Variants in ADCY9 observed in about 807,000 individuals in gnomAD.
ADCY9 encodes the protein adenylate cyclase type 9.
Under a neutral mutation model 101.5 loss-of-function variants are expected in ADCY9, and 50 were observed. The ratio of observed to expected loss-of-function variants is 0.49; its 90% confidence interval spans 0.39 to 0.62. The LOEUF (loss-of-function observed/expected upper bound fraction) is 0.62, where lower values mean the gene tolerates loss of function less well. Ranked by LOEUF, ADCY9 falls within the 20% of genes least tolerant of loss-of-function variation. The pLI is 0.00. For synonymous variants in ADCY9, 905 were observed against 769.3 expected (o/e 1.18, Z -2.92); for missense variants, 1,662 against 1,800.4 (o/e 0.92, Z 1.39).
chr16:4,110,857 G>A (rs1226623026), intron 2 of ADCY9, among the ~76,000 whole-genome samples: 2 of 152,184 alleles, frequency 1.3e-5, no homozygotes, highest in South Asian at 2.1e-4. Context: ...ACTGGTGGGC[G>A]TGCCTTGCAG....
At chr16:3,972,950 T>C (rs2056065275) in intron 10 of ADCY9, among the ~76,000 whole-genome samples, 1 of 152,178 alleles carries the variant, frequency 6.6e-6, no homozygotes. Flanking sequence ...TAAAAAAAGA[T>C]GCTAGGTGCT....
Position 3,992,386 on chromosome 16 carries a change from C to T in ADCY9, c.1990-23G>A. 6.2e-7 allele frequency: 1 copy of T among 1,609,122 alleles called. No homozygotes were observed. On this transcript the variant is annotated intron_variant, in intron 4 of 10. Coordinates refer to ENST00000294016, the MANE Select transcript of ADCY9 (RefSeq NM_001116.4). This position sits in a 1 kb window ranked among gnomAD's most constrained non-coding sequence, Gnocchi z 4.2. ...AGCCTGCCTCGAGACAAAGAGGACG[C>T]AGACACGGGAAGTGAAGTGGCACCG...
chr16:4,053,322 G>A (rs1000679664), intron 2 of ADCY9, among the ~76,000 whole-genome samples: 50 of 152,306 alleles, frequency 3.3e-4, no homozygotes, highest in Admixed American at 2.6e-4. Flanking sequence ...GAGAAGATGC[G>A]TTTGGAATGG....
At chr16:3,984,750 C>T (rs1392098868) in intron 6 of ADCY9, among the ~76,000 whole-genome samples, 5 of 152,274 alleles carry the variant, frequency 3.3e-5, no homozygotes, top group Admixed American at 2.0e-4. Flanking sequence ...CTTCTGGCAA[C>T]CCCTGAGAGG....
Position 4,115,283 on chromosome 16 carries a change from A to T in ADCY9, c.160T>A (p.Cys54Ser), listed in dbSNP as rs776562561. The T allele has an allele frequency of 6.2e-7, 1 of 1,613,822 alleles. No homozygotes were observed. Among genetic ancestry groups the T allele is most frequent in the Non-Finnish European group, 8.5e-7 (1 of 1,179,862 alleles). Reference protein sequence around the residue: ...KHCKYSISSSCSSSGDSGGVP... With the variant: ...KHCKYSISSSSSSSGDSGGVP... ...CCCCCGGAGTCCCCAGAGCTGCTGCAGCTAGAGGAGATGCTGTATTTGCAG... is the reference window on the plus strand; with the variant it reads ...CCCCCGGAGTCCCCAGAGCTGCTGCTGCTAGAGGAGATGCTGTATTTGCAG... The change falls in exon 2 of 11, where the codon TGC becomes AGC. Residue 54 changes from cysteine (C) to serine (S), a missense_variant. Cys to Ser is a moderately radical substitution (Grantham distance 112, BLOSUM62 -1). Around this residue, in one of 5 missense-constraint regions of ADCY9, gnomAD observed 422 missense variants for 392.0 expected, o/e 1.08. Coordinates refer to ENST00000294016, the MANE Select transcript of ADCY9 (RefSeq NM_001116.4). This position sits in a 1 kb window ranked among gnomAD's most constrained non-coding sequence, Gnocchi z 6.2.
At chr16:4,040,232 T>G (rs1049735289) in intron 2 of ADCY9, among the ~76,000 whole-genome samples, 13 of 152,198 alleles carry the variant, frequency 8.5e-5, no homozygotes, top group African/African-American at 3.1e-4. Flanking sequence ...TGCAGGTGCA[T>G]GAAAAATTCA....
chr16:4,045,865 CTTTCTTTTT>C (rs1250840628), intron 2 of ADCY9, among the ~76,000 whole-genome samples: 8 of 111,374 alleles, frequency 7.2e-5, no homozygotes, highest in African/African-American at 2.5e-4. Flanking sequence ...TGCTTTTTTT[CTTTCTTTTT>C]TTTTTTTTTT....
chr16:4,035,434 T>C (rs1185454968), intron 2 of ADCY9, among the ~76,000 whole-genome samples: 3 of 152,218 alleles, frequency 2.0e-5, no homozygotes, highest in Non-Finnish European at 2.9e-5. Flanking sequence ...TTAAAGTTAA[T>C]ATAAGTGTAA....
At chr16:4,097,602 G>A (rs1439446525) in intron 2 of ADCY9, among the ~76,000 whole-genome samples, 2 of 131,312 alleles carry the variant, frequency 1.5e-5, no homozygotes, top group Non-Finnish European at 3.1e-5. Flanking sequence ...CATCCAGGCT[G>A]GAGTGCAGGG....
In ADCY9 at chr16:3,989,070, G is replaced by A. The variant is rs748002012; in HGVS notation, c.2234C>T (p.Pro745Leu). The change falls in exon 6 of 11, where the codon CCG becomes CTG. Residue 745 changes from proline (P) to leucine (L), a missense_variant. Pro to Leu is a moderately conservative substitution (Grantham distance 98). Coordinates refer to ENST00000294016, the MANE Select transcript of ADCY9 (RefSeq NM_001116.4). The part of the protein sequence containing the change: ...DSLMKDYFFK[P>L]PINQFSLNFL... ...GTTCAGGCTGAACTGATTAATGGGC[G>A]GCTTAAAAAAGTAATCTTTCATCAG... 3 of 1,613,924 alleles carry A rather than the reference G, an allele frequency of 1.9e-6. No homozygotes were observed. Among genetic ancestry groups the A allele is most frequent in the East Asian group, 2.2e-5 (1 of 44,884 alleles).
intron 2 of ADCY9, among the ~76,000 whole-genome samples, chr16:4,047,501 G>A (rs909422813): frequency 1.4e-5 from 2 of 141,792 alleles, no homozygotes; most frequent in Non-Finnish European, 2.9e-5. Flanking sequence ...TCCCTGGGGG[G>A]CAATTGGATT....
At chr16:4,013,155 G>A (rs2056414630) in intron 2 of ADCY9, among the ~76,000 whole-genome samples, 1 of 152,140 alleles carries the variant, frequency 6.6e-6, no homozygotes, top group Non-Finnish European at 1.5e-5. Context: ...GGCTAAGATG[G>A]GAGGATCACT....
At chr16:4,093,724 A>C (rs896990848) in intron 2 of ADCY9, among the ~76,000 whole-genome samples, 4 of 152,170 alleles carry the variant, frequency 2.6e-5, no homozygotes, top group Non-Finnish European at 5.9e-5. Flanking sequence ...ACGTCACTGC[A>C]CTCCAGCCTG....
At chr16:4,107,853 C>T (rs1482576566) in intron 2 of ADCY9, among the ~76,000 whole-genome samples, 1 of 152,096 alleles carries the variant, frequency 6.6e-6, no homozygotes, top group Non-Finnish European at 1.5e-5. Flanking sequence ...ATGCCTCCGT[C>T]CACTGTCGGT....
intron 3 of ADCY9, among the ~76,000 whole-genome samples, chr16:3,999,647 G>T (rs2056316234): frequency 6.6e-6 from 1 of 152,192 alleles, no homozygotes; most frequent in Non-Finnish European, 1.5e-5. Context: ...ACGCCTGGCG[G>T]GCCAGGGAGT....
intron 2 of ADCY9, among the ~76,000 whole-genome samples, chr16:4,009,473 T>C (rs558124290): frequency 2.0e-4 from 31 of 152,222 alleles, no homozygotes; most frequent in Non-Finnish European, 4.0e-4. Flanking sequence ...GCCAGGCTGG[T>C]CTCGAACTCC....
chr16:4,087,807 T>TTTTC (rs1449417132), intron 2 of ADCY9, among the ~76,000 whole-genome samples: 1 of 150,758 alleles, frequency 6.6e-6, no homozygotes, highest in Non-Finnish European at 1.5e-5. Context: ...TTACTATTTA[T>TTTTC]TTTCTTTCTT....
intron 3 of ADCY9, among the ~76,000 whole-genome samples, chr16:4,002,327 C>T (rs1357021840): frequency 6.6e-6 from 1 of 152,118 alleles, no homozygotes; most frequent in Non-Finnish European, 1.5e-5. Flanking sequence ...CCAACTGAGC[C>T]TACTCATAAT....
At chr16:4,101,839 C>A (rs1457573212) in intron 2 of ADCY9, among the ~76,000 whole-genome samples, 2 of 152,180 alleles carry the variant, frequency 1.3e-5, no homozygotes, top group Non-Finnish European at 2.9e-5. Context: ...AGGGGCCCAT[C>A]ATCTTAAGAA....
Sources: gnomAD v4.1 joint callset for allele counts (sites outside exome capture counted in the v4.1 genomes callset) on GRCh38, gnomAD v4.1.1 for gene constraint, gnomAD v4.1.1 regional missense constraint, Gnocchi (gnomAD v3.1) non-coding constraint, MANE v1.5 for transcripts, NCBI Gene and HGNC (gene_info 2026-07-23, HGNC 2026-07-21) for gene names.